Variants in ADK observed in about 807,000 individuals in gnomAD.
The protein encoded by ADK is N6,N6-dimethyladenosine kinase.
ADK carries 24 observed loss-of-function variants against 44.7 expected under a neutral mutation model. The observed-to-expected ratio is 0.54, with a 90% CI of 0.39 to 0.76. The LOEUF is 0.76. Ranked by LOEUF, ADK falls within the 30% of genes least tolerant of loss-of-function variation. The probability of loss-of-function intolerance (pLI) is 0.00; values close to 1 mark genes in which losing one functional copy is unlikely to be tolerated. For synonymous variants in ADK, 128 were observed against 142.6 expected (o/e 0.90, Z 0.73); for missense variants, 321 against 425.1 (o/e 0.76, Z 2.15).
chr10:74,688,434 A>G (rs1855868883), intron 10 of ADK, among the ~76,000 whole-genome samples: 1 of 152,230 alleles, frequency 6.6e-6, no homozygotes, highest in Non-Finnish European at 1.5e-5. Context: ...AGTAAATATT[A>G]GTTAAATAAA....
At chr10:74,442,840 A>G (rs984046846) in intron 6 of ADK, among the ~76,000 whole-genome samples, 3 of 152,214 alleles carry the variant, frequency 2.0e-5, no homozygotes, top group African/African-American at 7.2e-5. Context: ...CTTAAAAAAG[A>G]AGGAAATCCT....
intron 6 of ADK, among the ~76,000 whole-genome samples, chr10:74,466,785 T>A (rs1846373105): frequency 6.6e-6 from 1 of 152,104 alleles, no homozygotes; most frequent in African/African-American, 2.4e-5. Flanking sequence ...AGCAAGAAAA[T>A]TTCAAGATAA....
chr10:74,470,524 G>A (rs796889753), intron 6 of ADK, among the ~76,000 whole-genome samples: 21 of 45,012 alleles, frequency 4.7e-4, no homozygotes, highest in African/African-American at 1.3e-3. Flanking sequence ...TTTTCATAGT[G>A]GCTTTGTCAT....
intron 4 of ADK, among the ~76,000 whole-genome samples, chr10:74,354,340 T>C (rs1032675310): frequency 4.0e-5 from 4 of 99,836 alleles, no homozygotes; most frequent in Admixed American, 2.2e-4. Context: ...AATTTTTTCC[T>C]AGAAAAATTG....
At chr10:74,568,427 G>A (rs902445162) in intron 7 of ADK, among the ~76,000 whole-genome samples, 1 of 152,068 alleles carries the variant, frequency 6.6e-6, no homozygotes, top group African/African-American at 2.4e-5. Context: ...CTCCACAGTT[G>A]CTCAGAATCT....
At chr10:74,316,239 CAA>C (rs1187138721) in intron 4 of ADK, among the ~76,000 whole-genome samples, 3 of 131,740 alleles carry the variant, frequency 2.3e-5, no homozygotes, top group Non-Finnish European at 4.9e-5. Context: ...GACTCCATCT[CAA>C]AAAAAAAAAA....
intron 4 of ADK, among the ~76,000 whole-genome samples, chr10:74,341,527 CAA>C (rs35233016): frequency 4.1e-4 from 25 of 61,522 alleles, no homozygotes; most frequent in South Asian, 5.8e-4. Flanking sequence ...GACTCCGTCT[CAA>C]AAAAAAAAAA....
intron 9 of ADK, among the ~76,000 whole-genome samples, chr10:74,618,133 G>C (rs1439008128): frequency 1.3e-5 from 2 of 148,594 alleles, no homozygotes; most frequent in African/African-American, 5.2e-5. Context: ...AATTAATTCT[G>C]ACAATCTTCA....
rs1380281615 is a variant in ADK, at chr10:74,207,681, A to T, written c.140+6843A>T. Among the ~76,000 whole-genome samples the T allele has an allele frequency of 2.6e-5, 4 of 152,038 alleles. No individual in the cohort carries two copies. In the East Asian group the frequency reaches 5.8e-4, roughly 22 times the overall value. On this transcript the variant is annotated intron_variant, in intron 2 of 10. Transcript: ENST00000539909. Reference sequence around the variant, plus strand: ...GGGTTTTTAATGGGCTTCACAAGGGAGAAGTGTGTGCTGATTGGTCCATGG... The same window carrying T: ...GGGTTTTTAATGGGCTTCACAAGGGTGAAGTGTGTGCTGATTGGTCCATGG...
intron 9 of ADK, among the ~76,000 whole-genome samples, chr10:74,629,716 G>T (rs1409589217): frequency 6.6e-6 from 1 of 152,066 alleles, no homozygotes; most frequent in Non-Finnish European, 1.5e-5. Flanking sequence ...TAGAAATAAT[G>T]CATGACTTCA....
At chr10:74,469,169 C>T (rs867752415) in intron 6 of ADK, among the ~76,000 whole-genome samples, 33 of 152,088 alleles carry the variant, frequency 2.2e-4, no homozygotes, top group Middle Eastern at 6.8e-3. Context: ...AAAACCCCAT[C>T]CCTACAAAAA....
Position 74,704,261 on chromosome 10 carries a change from G to A in ADK, c.965-4060G>A, listed in dbSNP as rs1371902917. ...TGAAAAACTTCTAAAAATGCATAGA[G>A]GTAGTAGTTGCACATTGTGAATGTA... On this transcript the variant is annotated intron_variant, in intron 10 of 10. Coordinates refer to ENST00000539909, the MANE Select transcript of ADK (RefSeq NM_006721.4). Among the ~76,000 whole-genome samples the A allele has an allele frequency of 2.6e-5, 4 of 152,232 alleles. No homozygotes were observed. The South Asian group carries it at 6.2e-4, about 24-fold the overall frequency.
intron 2 of ADK, among the ~76,000 whole-genome samples, chr10:74,220,761 A>C (rs574721209): frequency 2.0e-5 from 3 of 152,338 alleles, no homozygotes; most frequent in Non-Finnish European, 2.9e-5. Context: ...AGAACCAAAA[A>C]CAAAAACCAC....
Position 74,280,415 on chromosome 10 carries a change from A to AACACACACACACACACACACACACACAC in ADK, c.195-34247_195-34220dup, listed in dbSNP as rs71021599. Reference sequence around the variant, plus strand: ...CCGCGCCCGGCCTTAAACAAGTTTAAACACACACACACACACACACACACA... The same window carrying AACACACACACACACACACACACACACAC: ...CCGCGCCCGGCCTTAAACAAGTTTAAACACACACACACACACACACACACACACACACACACACACACACACACACACA... On this transcript the variant is annotated intron_variant, in intron 3 of 10. Transcript: ENST00000539909. 1.0e-2 allele frequency among the ~76,000 whole-genome samples: 1,438 copies of AACACACACACACACACACACACACACAC among 144,320 alleles called. 12 individuals carry two copies. Among genetic ancestry groups the AACACACACACACACACACACACACACAC allele is most frequent in the African/African-American group, 0.011 (416 of 38,632 alleles). 94.7% of individuals were successfully genotyped at this position (144,320 alleles called of 152,430 possible).
chr10:74,577,954 G>GT (rs1851252192), intron 7 of ADK, among the ~76,000 whole-genome samples: 1 of 151,910 alleles, frequency 6.6e-6, no homozygotes, highest in Non-Finnish European at 1.5e-5. Flanking sequence ...TTTCCATTTT[G>GT]TTTTTACTTT....
intron 2 of ADK, among the ~76,000 whole-genome samples, chr10:74,221,212 T>C (rs1298448770): frequency 1.4e-4 from 22 of 151,786 alleles, no homozygotes; most frequent in African/African-American, 4.6e-4. Context: ...CACAAGCATT[T>C]TTATACACCA....
At chr10:74,529,740 T>C (rs531367297) in intron 7 of ADK, among the ~76,000 whole-genome samples, 55 of 152,306 alleles carry the variant, frequency 3.6e-4, no homozygotes, top group African/African-American at 1.3e-3. Context: ...AAGAGGTATT[T>C]ATATAGTACC....
intron 10 of ADK, among the ~76,000 whole-genome samples, chr10:74,686,725 G>T (rs554544737): frequency 6.6e-6 from 1 of 152,232 alleles, no homozygotes; most frequent in Non-Finnish European, 1.5e-5. Flanking sequence ...TCACCAGGCT[G>T]GAGTGCAGTG....
Position 74,485,274 on chromosome 10 carries a change from G to T in ADK, c.556-39982G>T, listed in dbSNP as rs1589158926. On this transcript the variant is annotated intron_variant, in intron 6 of 10. Coordinates refer to ENST00000539909, the MANE Select transcript of ADK (RefSeq NM_006721.4). Reference sequence around the variant, plus strand: ...AAAATCACATGTGTATTGAAGGAATGAAAAATTGTTCTACCTCATCATTAA... The same window carrying T: ...AAAATCACATGTGTATTGAAGGAATTAAAAATTGTTCTACCTCATCATTAA... Among the ~76,000 whole-genome samples the T allele has an allele frequency of 2.0e-5, 3 of 152,018 alleles. No homozygotes were observed. The South Asian group carries it at 6.2e-4, about 32-fold the overall frequency.
Sources: gnomAD v4.1 joint callset for allele counts (sites outside exome capture counted in the v4.1 genomes callset) on GRCh38, gnomAD v4.1.1 for gene constraint, MANE v1.5 for transcripts, NCBI Gene and HGNC (gene_info 2026-07-23, HGNC 2026-07-21) for gene names.